ARID2: variants seen among roughly 807,000 people sequenced by gnomAD.
ARID2 encodes the protein AT-rich interactive domain-containing protein 2.
In ARID2, 32 loss-of-function variants were observed where a neutral mutation model predicts 184.6. The ratio of observed to expected loss-of-function variants is 0.17; its 90% CI spans 0.13 to 0.23. ARID2 has a LOEUF of 0.23. Among genes scored for constraint, ARID2 ranks in the 10% least tolerant of loss-of-function variants. ARID2 has a pLI of 1.00. For synonymous variants in ARID2, 836 were observed against 772.6 expected, an observed-to-expected ratio of 1.08 and a Z score of -1.36; for missense variants, 1,696 against 2,197.6, an observed-to-expected ratio of 0.77 and a Z score of 4.56.
At chr12:45,901,448 G>T (rs1447276952) in intron 20 of ARID2, among the ~76,000 whole-genome samples, 2 of 151,802 alleles carry the variant, frequency 1.3e-5, no homozygotes, top group African/African-American at 4.8e-5. Context: ...GGGATTACAG[G>T]CATGAGCCAC....
intron 8 of ARID2, 31 bp downstream of exon 8, chr12:45,837,022 T>A (rs2138128976): frequency 6.3e-7 from 1 of 1,590,456 alleles, no homozygotes. Flanking sequence ...TAAACTAGTT[T>A]TTATAGTTAG....
intron 3 of ARID2, among the ~76,000 whole-genome samples, chr12:45,805,543 T>C (rs1942584346): frequency 6.6e-6 from 1 of 152,144 alleles, no homozygotes; most frequent in Admixed American, 6.5e-5. Flanking sequence ...GAGACTAATA[T>C]CTGAGTTTAC....
chr12:45,861,607 C>T (rs1481659679), intron 16 of ARID2, among the ~76,000 whole-genome samples: 1 of 106,166 alleles, frequency 9.4e-6, no homozygotes, highest in Non-Finnish European at 1.8e-5. Flanking sequence ...TTTTTGGAAA[C>T]AGAGTCTCGC....
At chr12:45,858,833 A>C (rs1943696710) in intron 15 of ARID2, among the ~76,000 whole-genome samples, 1 of 152,140 alleles carries the variant, frequency 6.6e-6, no homozygotes, top group South Asian at 2.1e-4. Context: ...TACGGCCCTA[A>C]AATGTTTTTG....
chr12:45,734,628 G>A (rs1941073772), intron 3 of ARID2, among the ~76,000 whole-genome samples: 1 of 151,358 alleles, frequency 6.6e-6, no homozygotes, highest in South Asian at 2.1e-4. Flanking sequence ...GGACCAAAAT[G>A]TTGTGTTCAT....
At chr12:45,869,648 C>T (rs550753951) in intron 16 of ARID2, among the ~76,000 whole-genome samples, 121 of 151,928 alleles carry the variant, frequency 8.0e-4, no homozygotes, top group Middle Eastern at 3.4e-3. Flanking sequence ...TTTGGGAGGC[C>T]GAGGCAGATG....
chr12:45,836,498 G>T (rs1943222444), intron 6 of ARID2, 91 bp from the exon 7 acceptor site: 1 of 1,232,924 alleles, frequency 8.1e-7, no homozygotes, highest in African/African-American at 1.5e-5. Context: ...TTACAGGCAT[G>T]AGCCACCATA....
At chr12:45,899,810 G>A (rs1294097781) in intron 20 of ARID2, among the ~76,000 whole-genome samples, 2 of 148,098 alleles carry the variant, frequency 1.4e-5, no homozygotes, top group African/African-American at 2.5e-5. Context: ...GGGGGAGCCT[G>A]CAACAATTTG....
intron 3 of ARID2, among the ~76,000 whole-genome samples, chr12:45,759,529 A>C (rs1426395111): frequency 6.6e-6 from 1 of 152,170 alleles, no homozygotes; most frequent in African/African-American, 2.4e-5. Context: ...CCAAATTCTC[A>C]GTTTTAAAAT....
intron 16 of ARID2, among the ~76,000 whole-genome samples, chr12:45,884,606 C>T (rs896092605): frequency 5.9e-5 from 9 of 152,032 alleles, no homozygotes; most frequent in African/African-American, 9.7e-5. Flanking sequence ...CACAGACCGG[C>T]GGGTTAATAG....
chr12:45,769,577 A>G (rs750871797), intron 3 of ARID2, among the ~76,000 whole-genome samples: 2 of 152,226 alleles, frequency 1.3e-5, no homozygotes, highest in Non-Finnish European at 2.9e-5. Flanking sequence ...ACGTACACAT[A>G]ATGGTAGGAC....
At chr12:45,773,986 G>C (rs1941930263) in intron 3 of ARID2, among the ~76,000 whole-genome samples, 1 of 152,018 alleles carries the variant, frequency 6.6e-6, no homozygotes, top group East Asian at 1.9e-4. Context: ...TCCTTGCTTT[G>C]AGTGGAAACT....
At chr12:45,813,935 CTG>C (rs1290812510) in intron 4 of ARID2, among the ~76,000 whole-genome samples, 2 of 152,050 alleles carry the variant, frequency 1.3e-5, no homozygotes, top group African/African-American at 4.8e-5. Context: ...CCTTCTTTCT[CTG>C]TTTTTTTCCT....
intron 6 of ARID2, among the ~76,000 whole-genome samples, chr12:45,832,656 T>C (rs371545747): frequency 2.9e-4 from 44 of 152,258 alleles, no homozygotes; most frequent in Non-Finnish European, 5.7e-4. Flanking sequence ...CTTCTTTTCC[T>C]GGTACTACAT....
Position 45,730,122 on chromosome 12 carries a change from A to C in ARID2, c.171A>C (p.Leu57Phe), listed in dbSNP as rs995317060. 5 of 1,612,964 alleles carry C rather than the reference A, an allele frequency of 3.1e-6. No individual in the cohort carries two copies. Among genetic ancestry groups the C allele is most frequent in the Non-Finnish European group, 4.2e-6 (5 of 1,179,458 alleles). ...GTCTCTACACCAGAGTCACTACTTT[A>C]GGCGGATTCGCGAAGGTGAGTGGAA... ...LHGLYTRVTT[L>F]GGFAKVSEKN... The change falls in exon 2 of 21, where the codon TTA (leucine) becomes TTC (phenylalanine). Residue 57 changes from leucine (L) to phenylalanine (F), a missense_variant. Physicochemically the swap from Leu to Phe is conservative, Grantham distance 22 (BLOSUM62 0). Around this residue, in one of 11 missense-constraint regions of ARID2, gnomAD observed 148 missense variants for 285.4 expected, o/e 0.52. Transcript: ENST00000334344.
chr12:45,814,259 A>T (rs1942764419), intron 4 of ARID2, among the ~76,000 whole-genome samples: 2 of 152,184 alleles, frequency 1.3e-5, no homozygotes, highest in South Asian at 4.1e-4. Flanking sequence ...CTCCAGGAAC[A>T]ACTCTCCCTT....
intron 3 of ARID2, 75 bp from the exon 4 acceptor site, chr12:45,811,343 C>A (rs1942704332): frequency 7.1e-7 from 1 of 1,416,026 alleles, no homozygotes; most frequent in South Asian, 1.5e-5. Context: ...AAAAGGAAAA[C>A]AAATATGTGG....
At chr12:45,861,003 T>A (rs910718097) in intron 16 of ARID2, 54 bp downstream of exon 16, 1 of 1,374,768 alleles carries the variant, frequency 7.3e-7, no homozygotes, top group Non-Finnish European at 9.5e-7. Context: ...TGGAATGCTT[T>A]TATATTTAAG....
chr12:45,744,982 T>C (rs1261423264), intron 3 of ARID2, among the ~76,000 whole-genome samples: 5 of 152,196 alleles, frequency 3.3e-5, no homozygotes. Flanking sequence ...CTTAAATGTG[T>C]GTGTTTGTGC....
Sources: allele counts gnomAD v4.1 joint callset (sites outside exome capture counted in the v4.1 genomes callset), GRCh38; gene constraint gnomAD v4.1.1; regional missense constraint gnomAD v4.1.1; transcripts MANE v1.5; gene names NCBI Gene and HGNC (gene_info 2026-07-23, HGNC 2026-07-21).